DZIP1: variants seen among roughly 807,000 people sequenced by gnomAD.
The protein encoded by DZIP1 is DAZ interacting zinc finger protein 1.
DZIP1 carries 97 observed loss-of-function variants against 107.6 expected under a neutral mutation model. The ratio of observed to expected loss-of-function variants is 0.90; its 90% CI spans 0.77 to 1.07. DZIP1 has a LOEUF of 1.07. Among genes scored for constraint, DZIP1 ranks in the 50% least tolerant of loss-of-function variants. The pLI, the probability that DZIP1 is intolerant of heterozygous loss-of-function variation, is 0.00. For synonymous variants in DZIP1, 390 were observed against 386.4 expected, an observed-to-expected ratio of 1.01 and a Z score of -0.11; for missense variants, 1,035 against 1,063.6, an observed-to-expected ratio of 0.97 and a Z score of 0.37.
At chr13:95,610,111 T>TGTGTGTGTGTGTGTGTGTGTGTGA in intron 12 of DZIP1, among the ~76,000 whole-genome samples, 1 of 126,666 alleles carries the variant, frequency 7.9e-6, no homozygotes, top group Non-Finnish European at 1.7e-5. Flanking sequence ...TGTGTGTGTG[T>TGTGTGTGTGTGTGTGTGTGTGTGA]GAGAGAGAGA....
chr13:95,624,155 C>A (rs1876247563), intron 8 of DZIP1, among the ~76,000 whole-genome samples: 1 of 152,168 alleles, frequency 6.6e-6, no homozygotes, highest in Non-Finnish European at 1.5e-5. Flanking sequence ...TCGCTCAGCT[C>A]CCTTCCTTTC....
intron 6 of DZIP1, 78 bp downstream of exon 6, chr13:95,633,156 T>G (rs921957534): frequency 2.3e-6 from 3 of 1,305,756 alleles, no homozygotes; most frequent in Admixed American, 1.8e-5. Context: ...GACTGGGAAA[T>G]GCACTGGACC....
At chr13:95,635,949 G>A (rs934091155) in intron 5 of DZIP1, among the ~76,000 whole-genome samples, 5 of 149,876 alleles carry the variant, frequency 3.3e-5, no homozygotes, top group African/African-American at 9.8e-5. Flanking sequence ...AGGTAGGGAG[G>A]GAAAGAGGGA....
intron 7 of DZIP1, among the ~76,000 whole-genome samples, 168 bp downstream of exon 7, chr13:95,629,821 G>A (rs377143312): frequency 6.6e-6 from 1 of 152,174 alleles, no homozygotes. Context: ...TATATTTCCA[G>A]TGATGTGCTT....
intron 19 of DZIP1, 156 bp from the exon 20 acceptor site, chr13:95,587,885 C>T: frequency 2.3e-6 from 2 of 887,162 alleles, no homozygotes; most frequent in Non-Finnish European, 1.7e-6. Context: ...GGCGGCGAGG[C>T]CAGAGGTTAT....
At chr13:95,626,155 A>T (rs894400994) in intron 7 of DZIP1, among the ~76,000 whole-genome samples, 7 of 152,026 alleles carry the variant, frequency 4.6e-5, no homozygotes, top group African/African-American at 1.7e-4. Flanking sequence ...TAGAAGAAGA[A>T]GAAAAATCTT....
At chr13:95,601,124 G>T (rs1224060613) in intron 14 of DZIP1, among the ~76,000 whole-genome samples, 1 of 152,074 alleles carries the variant, frequency 6.6e-6, no homozygotes, top group Non-Finnish European at 1.5e-5. Flanking sequence ...TTTCTCTAGA[G>T]TCAGGATAAA....
intron 11 of DZIP1, 33 bp from the exon 12 acceptor site, chr13:95,611,526 T>G (rs758535138): frequency 3.4e-5 from 53 of 1,537,064 alleles, no homozygotes; most frequent in African/African-American, 5.5e-5. Context: ...AGTGATACAT[T>G]TGAAATTAGA....
chr13:95,619,239 A>C (rs989458019), intron 10 of DZIP1, among the ~76,000 whole-genome samples: 1 of 152,250 alleles, frequency 6.6e-6, no homozygotes, highest in Non-Finnish European at 1.5e-5. Context: ...AAAAGTGTAC[A>C]AACCTACAAA....
rs189231471 is a variant in DZIP1 at position 95,616,082 on chromosome 13, G to C, written c.1173+3803C>G. 6.6e-4 allele frequency among the ~76,000 whole-genome samples: 101 copies of C among 152,226 alleles called. 1 individual carries two copies. The East Asian group carries it at 0.019, about 29-fold the overall frequency. Reference sequence around the variant, plus strand: ...ACTTTTGCTTCAGTGTAATGTAGGGGGACAAAGGAGAACACTCCTTGCACA... The same window carrying C: ...ACTTTTGCTTCAGTGTAATGTAGGGCGACAAAGGAGAACACTCCTTGCACA... On this transcript the variant is annotated intron_variant, in intron 10 of 22. Coordinates refer to ENST00000376829, the MANE Select transcript of DZIP1 (RefSeq NM_198968.4).
chr13:95,606,139 G>A (rs2044767500), intron 13 of DZIP1, 80 bp from the exon 14 acceptor site: 6 of 1,342,684 alleles, frequency 4.5e-6, no homozygotes, highest in African/African-American at 1.4e-5. Flanking sequence ...AGCCAAATAT[G>A]CCGCAAACTA....
intron 9 of DZIP1, among the ~76,000 whole-genome samples, chr13:95,620,458 C>G (rs1215698752): frequency 1.3e-5 from 2 of 152,118 alleles, no homozygotes; most frequent in Admixed American, 1.3e-4. Context: ...TATACACAGT[C>G]AAAAATGCTT....
At chr13:95,607,687 T>A (rs1419278158) in intron 13 of DZIP1, among the ~76,000 whole-genome samples, 1 of 151,912 alleles carries the variant, frequency 6.6e-6, no homozygotes, top group Non-Finnish European at 1.5e-5. Flanking sequence ...AAAAAAAAAA[T>A]ACAGAATACT....
intron 11 of DZIP1, among the ~76,000 whole-genome samples, chr13:95,611,781 T>C (rs919127287): frequency 6.6e-6 from 1 of 152,202 alleles, no homozygotes; most frequent in Non-Finnish European, 1.5e-5. Flanking sequence ...TCAGAGTAAT[T>C]ACTGAAAGAA....
intron 7 of DZIP1, among the ~76,000 whole-genome samples, 154 bp from the exon 8 acceptor site, chr13:95,625,083 G>A (rs538944733): frequency 6.6e-6 from 1 of 152,270 alleles, no homozygotes; most frequent in East Asian, 1.9e-4. Context: ...TGGCAGGTCT[G>A]TGCACAATGA....
At chr13:95,593,209 A>C (rs144822367) in intron 16 of DZIP1, among the ~76,000 whole-genome samples, 160 of 152,356 alleles carry the variant, frequency 1.1e-3, no homozygotes, top group African/African-American at 3.7e-3. Flanking sequence ...ATATACACAA[A>C]TGTGTATACA....
chr13:95,619,688 A>G (rs995015563), intron 10 of DZIP1, among the ~76,000 whole-genome samples, 197 bp downstream of exon 10: 1 of 137,794 alleles, frequency 7.3e-6, no homozygotes, highest in Non-Finnish European at 1.7e-5. Flanking sequence ...GTTTCATGAG[A>G]AAAAAAAAAA....
At chr13:95,622,615 T>C (rs1427079561) in intron 8 of DZIP1, 135 bp from the exon 9 acceptor site, 3 of 885,570 alleles carry the variant, frequency 3.4e-6, no homozygotes, top group Non-Finnish European at 5.2e-6. Context: ...TCTTGGACGC[T>C]TCTCCTGCTT....
intron 12 of DZIP1, among the ~76,000 whole-genome samples, chr13:95,609,920 G>C (rs533239976): frequency 7.9e-5 from 12 of 152,260 alleles, no homozygotes; most frequent in Admixed American, 7.2e-4. Flanking sequence ...GAGACGTGCA[G>C]GAACCAGGAC....
Sources: allele counts gnomAD v4.1 joint callset (sites outside exome capture counted in the v4.1 genomes callset), GRCh38; gene constraint gnomAD v4.1.1; transcripts MANE v1.5; gene names NCBI Gene and HGNC (gene_info 2026-07-23, HGNC 2026-07-21).